GALNT14: variants seen among roughly 807,000 people sequenced by gnomAD.
The protein encoded by GALNT14 is polypeptide N-acetylgalactosaminyltransferase 14.
GALNT14 carries 60 observed loss-of-function variants against 77.5 expected under a neutral mutation model. The observed-to-expected ratio is 0.77, with a 90% CI of 0.63 to 0.96. The LOEUF is 0.96. Among genes scored for constraint, GALNT14 ranks in the 40% least tolerant of loss-of-function variants. The probability of loss-of-function intolerance (pLI) is 0.00; values close to 1 mark genes in which losing one functional copy is unlikely to be tolerated. For missense variants in GALNT14, 710 were observed against 731.0 expected (o/e 0.97, Z 0.33); for synonymous variants, 280 against 281.7 (o/e 0.99, Z 0.06).
chr2:30,891,446 T>C, the GALNT14 span, among the ~76,000 whole-genome samples: 1,364 of 152,236 alleles, frequency 9.0e-3, 17 homozygotes, highest in African/African-American at 0.03. Flanking sequence ...AGAAACTGAA[T>C]GTGATAAAAC....
rs572905901 is a variant in GALNT14, at chr2:30,915,023, G to A, written c.1381-2681C>T. Among the ~76,000 whole-genome samples the A allele has an allele frequency of 3.3e-5, 5 of 152,250 alleles. No homozygotes were observed. In the South Asian group the frequency reaches 1.0e-3, roughly 32 times the overall value. On this transcript the variant is annotated intron_variant, in intron 13 of 14. Coordinates refer to ENST00000349752, the MANE Select transcript of GALNT14 (RefSeq NM_024572.4). ...CATTACCTGACTATAGAGTCTGTAGGGAACCACAAATTAGTATTTCAAAAA... is the reference window on the plus strand; with the variant it reads ...CATTACCTGACTATAGAGTCTGTAGAGAACCACAAATTAGTATTTCAAAAA...
At chr2:31,072,521 G>T (rs1308516232) in intron 1 of GALNT14, among the ~76,000 whole-genome samples, 1 of 151,568 alleles carries the variant, frequency 6.6e-6, no homozygotes, top group African/African-American at 2.4e-5. Flanking sequence ...ACTGTGGTTT[G>T]CTTGGAAAAT....
At chr2:31,073,938 C>A (rs781301625) in intron 1 of GALNT14, among the ~76,000 whole-genome samples, 25 of 152,208 alleles carry the variant, frequency 1.6e-4, no homozygotes, top group Non-Finnish European at 3.1e-4. Context: ...CACACAGGGC[C>A]TCTGCCTTAG....
Position 31,138,194 on chromosome 2 carries a change from C to A in GALNT14, c.-108G>T. 1 of 1,412,608 alleles carries A rather than the reference C, an allele frequency of 7.1e-7. No individual in the cohort carries two copies. The highest frequency in any genetic ancestry group is 9.7e-7 in the Non-Finnish European group (1 of 1,028,762). The allele number at this position is 1,412,608 out of a possible 1,614,324, so 87.5% of individuals were successfully genotyped here. ...GGCGAGCGCCTCGCTCTGGGGAGCT[C>A]TAGACCCAGGATCCGGTTGGAGGGG... On this transcript the variant is annotated 5_prime_UTR_variant, in exon 1 of 15. Transcript: ENST00000349752.
intron 1 of GALNT14, among the ~76,000 whole-genome samples, chr2:31,112,701 T>A (rs904340809): frequency 6.6e-6 from 1 of 152,204 alleles, no homozygotes; most frequent in African/African-American, 2.4e-5. Flanking sequence ...ATGACAAAGA[T>A]CCACTATCAT....
intron 1 of GALNT14, among the ~76,000 whole-genome samples, chr2:31,087,592 A>G (rs1224139594): frequency 8.2e-6 from 1 of 122,640 alleles, no homozygotes; most frequent in Non-Finnish European, 1.8e-5. Flanking sequence ...AGAGAAGGAA[A>G]GAGGCTGGGA....
intron 1 of GALNT14, among the ~76,000 whole-genome samples, chr2:31,046,611 A>C (rs1350669381): frequency 1.7e-5 from 2 of 120,452 alleles, no homozygotes; most frequent in East Asian, 5.7e-4. Context: ...ACATTGCTAC[A>C]TTATGTAGTT....
At chr2:30,994,719 G>A (rs1669915635) in intron 1 of GALNT14, among the ~76,000 whole-genome samples, 1 of 152,118 alleles carries the variant, frequency 6.6e-6, no homozygotes, top group African/African-American at 2.4e-5. Flanking sequence ...CTCATGGGAA[G>A]GGCCATAGAA....
chr2:31,128,102 A>G (rs1678786157), intron 1 of GALNT14, among the ~76,000 whole-genome samples: 1 of 152,150 alleles, frequency 6.6e-6, no homozygotes, highest in Non-Finnish European at 1.5e-5. Context: ...ATCCAGGAAG[A>G]CATCAGCAGC....
intron 11 of GALNT14, among the ~76,000 whole-genome samples, chr2:30,927,044 A>C (rs1665428668): frequency 6.6e-6 from 1 of 152,142 alleles, no homozygotes; most frequent in African/African-American, 2.4e-5. Context: ...ATAAGTTTAA[A>C]TGATGATGGG....
intron 1 of GALNT14, among the ~76,000 whole-genome samples, chr2:31,040,790 T>C (rs1349380521): frequency 6.6e-6 from 1 of 152,176 alleles, no homozygotes; most frequent in East Asian, 1.9e-4. Flanking sequence ...ACTGACTAAT[T>C]TGATTTAGAG....
the GALNT14 span, among the ~76,000 whole-genome samples, chr2:30,888,901 T>C: frequency 6.6e-6 from 1 of 152,092 alleles, no homozygotes; most frequent in Non-Finnish European, 1.5e-5. Context: ...CCATGAGTTG[T>C]ATTGTCCCCC....
chr2:30,921,643 G>A (rs1665037333), intron 13 of GALNT14, among the ~76,000 whole-genome samples: 1 of 152,186 alleles, frequency 6.6e-6, no homozygotes, highest in Non-Finnish European at 1.5e-5. Context: ...GCTGAGACTG[G>A]GAACAATGGG....
intron 2 of GALNT14, among the ~76,000 whole-genome samples, chr2:30,968,624 T>A (rs908395188): frequency 2.6e-5 from 4 of 152,084 alleles, no homozygotes; most frequent in Admixed American, 6.5e-5. Flanking sequence ...GAAGCTCCAG[T>A]CAAGCCTTCA....
chr2:31,078,419 T>C (rs1675945057), intron 1 of GALNT14, among the ~76,000 whole-genome samples: 1 of 152,096 alleles, frequency 6.6e-6, no homozygotes, highest in South Asian at 2.1e-4. Flanking sequence ...GGAACACAGA[T>C]TGATAAGAAA....
At chr2:31,006,308 A>C (rs1222406368) in intron 1 of GALNT14, among the ~76,000 whole-genome samples, 2 of 152,252 alleles carry the variant, frequency 1.3e-5, no homozygotes, top group Middle Eastern at 3.4e-3. Context: ...TACTTCTCAC[A>C]CTAGATACAA....
chr2:30,976,092 G>T lies in GALNT14; in HGVS notation c.300-9790C>A, dbSNP rs559007849. Among the ~76,000 whole-genome samples the T allele has an allele frequency of 5.9e-5, 9 of 152,220 alleles. No individual in the cohort carries two copies. The East Asian group carries it at 1.7e-3, about 29-fold the overall frequency. ...TTCCACTGAATTATGACAAGCCTTTGACTACTCTCAGCAAAAAACATAATT... is the reference window on the plus strand; with the variant it reads ...TTCCACTGAATTATGACAAGCCTTTTACTACTCTCAGCAAAAAACATAATT... On this transcript the variant is annotated intron_variant, in intron 2 of 14. Coordinates refer to ENST00000349752, the MANE Select transcript of GALNT14 (RefSeq NM_024572.4).
At chr2:31,132,017 C>T (rs978244615) in intron 1 of GALNT14, among the ~76,000 whole-genome samples, 2 of 152,190 alleles carry the variant, frequency 1.3e-5, no homozygotes, top group Non-Finnish European at 2.9e-5. Context: ...TATCAGGTCA[C>T]TTTGGGAAAC....
At chr2:30,978,777 G>A (rs1331186234) in intron 2 of GALNT14, among the ~76,000 whole-genome samples, 1 of 152,310 alleles carries the variant, frequency 6.6e-6, no homozygotes, top group African/African-American at 2.4e-5. Flanking sequence ...ACCGTGCTAG[G>A]CTCAGGAGAT....
Sources: allele counts gnomAD v4.1 joint callset (sites outside exome capture counted in the v4.1 genomes callset), GRCh38; gene constraint gnomAD v4.1.1; transcripts MANE v1.5; gene names NCBI Gene and HGNC (gene_info 2026-07-23, HGNC 2026-07-21).